SH3GL2: variants seen among roughly 807,000 people sequenced by gnomAD.
The protein encoded by SH3GL2 is SH3 domain containing GRB2 like 2, endophilin A1, also known as endophilin-A1.
A neutral mutation model predicts 46.0 loss-of-function variants in SH3GL2; 24 were observed. The observed-to-expected ratio is 0.52, with a 90% CI of 0.38 to 0.73. The LOEUF is 0.73. Among genes scored for constraint, SH3GL2 ranks in the 30% least tolerant of loss-of-function variants. SH3GL2 has a pLI of 0.00. For missense variants in SH3GL2, 413 were observed against 424.2 expected, an observed-to-expected ratio of 0.97 and a Z score of 0.23; for synonymous variants, 196 against 147.1, an observed-to-expected ratio of 1.33 and a Z score of -2.40.
chr9:17,616,760 TGTTG>T (rs1236421363), intron 1 of SH3GL2, among the ~76,000 whole-genome samples: 1 of 152,302 alleles, frequency 6.6e-6, no homozygotes, highest in East Asian at 1.9e-4. Flanking sequence ...TAATATAGCC[TGTTG>T]GTTTAGTAGA....
chr9:17,616,127 T>C (rs1818989885), intron 1 of SH3GL2, among the ~76,000 whole-genome samples: 1 of 152,194 alleles, frequency 6.6e-6, no homozygotes, highest in Non-Finnish European at 1.5e-5. Context: ...CTTAATGTTT[T>C]AGGGAAAATA....
intron 1 of SH3GL2, among the ~76,000 whole-genome samples, chr9:17,689,959 C>G (rs1195126098): frequency 6.6e-6 from 1 of 152,114 alleles, no homozygotes; most frequent in Non-Finnish European, 1.5e-5. Context: ...CAACTCCAGG[C>G]AAGTGGTAGG....
At chr9:17,608,361 T>A (rs1818799625) in intron 1 of SH3GL2, among the ~76,000 whole-genome samples, 1 of 152,136 alleles carries the variant, frequency 6.6e-6, no homozygotes, top group Admixed American at 6.5e-5. Flanking sequence ...TTAGCCGGGA[T>A]GGTCTCGATC....
intron 1 of SH3GL2, among the ~76,000 whole-genome samples, chr9:17,580,785 C>T (rs1398450981): frequency 1.3e-5 from 2 of 152,202 alleles, no homozygotes; most frequent in Non-Finnish European, 2.9e-5. Flanking sequence ...TATTACTAAC[C>T]TTTTTGATTG....
intron 1 of SH3GL2, among the ~76,000 whole-genome samples, chr9:17,707,477 T>C (rs1821500292): frequency 6.6e-6 from 1 of 152,032 alleles, no homozygotes; most frequent in African/African-American, 2.4e-5. Flanking sequence ...TAAGCCAATG[T>C]CACCTTCTAG....
chr9:17,719,373 A>T (rs1252831536), intron 1 of SH3GL2, among the ~76,000 whole-genome samples: 3 of 152,178 alleles, frequency 2.0e-5, no homozygotes, highest in Non-Finnish European at 4.4e-5. Context: ...ATTCCAGTCA[A>T]TGTTTTCATG....
At chr9:17,612,919 C>A (rs941085083) in intron 1 of SH3GL2, among the ~76,000 whole-genome samples, 1 of 152,156 alleles carries the variant, frequency 6.6e-6, no homozygotes, top group African/African-American at 2.4e-5. Flanking sequence ...CTATTCTGGT[C>A]ATTTCTTGTA....
intron 1 of SH3GL2, among the ~76,000 whole-genome samples, chr9:17,635,730 A>G (rs1350899691): frequency 6.6e-6 from 1 of 152,168 alleles, no homozygotes; most frequent in Non-Finnish European, 1.5e-5. Context: ...TTTCCTTGGA[A>G]TGTCTCTTGG....
chr9:17,604,970 A>G (rs921167177), intron 1 of SH3GL2, among the ~76,000 whole-genome samples: 6 of 125,174 alleles, frequency 4.8e-5, no homozygotes, highest in African/African-American at 1.5e-4. Context: ...GTGTTCTTTC[A>G]CAAGTCATTT....
intron 1 of SH3GL2, among the ~76,000 whole-genome samples, chr9:17,673,920 C>G (rs1362366776): frequency 2.6e-5 from 4 of 152,156 alleles, no homozygotes; most frequent in African/African-American, 9.6e-5. Flanking sequence ...CATAGGGCAT[C>G]CTGTGTCTAT....
At chr9:17,662,728 A>G (rs1023436126) in intron 1 of SH3GL2, among the ~76,000 whole-genome samples, 1 of 65,030 alleles carries the variant, frequency 1.5e-5, no homozygotes, top group African/African-American at 6.5e-5. Flanking sequence ...TTTTTTTTTG[A>G]GACAGAGTCT....
At chr9:17,664,102 C>G (rs190173742) in intron 1 of SH3GL2, among the ~76,000 whole-genome samples, 1 of 152,222 alleles carries the variant, frequency 6.6e-6, no homozygotes, top group African/African-American at 2.4e-5. Flanking sequence ...ACTGTATCCA[C>G]CCTCCTAGCA....
chr9:17,633,176 G>A (rs537374371), intron 1 of SH3GL2, among the ~76,000 whole-genome samples: 3 of 152,274 alleles, frequency 2.0e-5, no homozygotes, highest in Non-Finnish European at 4.4e-5. Flanking sequence ...GGGGAACTGG[G>A]CAATCTGGGA....
At chr9:17,745,001 C>CT (rs978699606) in intron 1 of SH3GL2, among the ~76,000 whole-genome samples, 6 of 152,180 alleles carry the variant, frequency 3.9e-5, no homozygotes, top group African/African-American at 1.4e-4. Context: ...CTCTTCAGAG[C>CT]TGTTGGGTGG....
At chr9:17,579,581 G>A (rs1018288233) in intron 1 of SH3GL2, among the ~76,000 whole-genome samples, 3 of 152,162 alleles carry the variant, frequency 2.0e-5, no homozygotes, top group Non-Finnish European at 2.9e-5. Context: ...CTGCAGGAAG[G>A]GGACCGCGGC....
chr9:17,743,124 C>T (rs1010586441), intron 1 of SH3GL2, among the ~76,000 whole-genome samples: 13 of 152,148 alleles, frequency 8.5e-5, no homozygotes, highest in African/African-American at 2.9e-4. Flanking sequence ...CTGTGTTCCT[C>T]ACCTTGATCC....
intron 5 of SH3GL2, among the ~76,000 whole-genome samples, chr9:17,787,845 G>C (rs774038856): frequency 6.6e-6 from 1 of 152,148 alleles, no homozygotes; most frequent in Non-Finnish European, 1.5e-5. Flanking sequence ...TTGCTGGGCT[G>C]ATTTCACCCA....
At chr9:17,633,294 G>T (rs574216212) in intron 1 of SH3GL2, among the ~76,000 whole-genome samples, 3 of 152,242 alleles carry the variant, frequency 2.0e-5, no homozygotes, top group Admixed American at 2.0e-4. Flanking sequence ...ATCAGTTGGT[G>T]TTACTGCAAG....
rs143630019 is a variant in SH3GL2, at chr9:17,706,503, G to A, written c.46-40563G>A. Among the ~76,000 whole-genome samples, 14 of 151,998 alleles carry A rather than the reference G, an allele frequency of 9.2e-5. 1 individual carries two copies. In the East Asian group the frequency reaches 2.3e-3, roughly 25 times the overall value. On this transcript the variant is annotated intron_variant, in intron 1 of 8. Coordinates refer to ENST00000380607, the MANE Select transcript of SH3GL2 (RefSeq NM_003026.5). Reference sequence around the variant, plus strand: ...GCTCTTCCTAAAGAAATCCATAGCTGGCTTTATTTTCCTCTTATCTTTTCT... The same window carrying A: ...GCTCTTCCTAAAGAAATCCATAGCTAGCTTTATTTTCCTCTTATCTTTTCT...
Sources: allele counts gnomAD v4.1 joint callset (sites outside exome capture counted in the v4.1 genomes callset), GRCh38; gene constraint gnomAD v4.1.1; transcripts MANE v1.5; gene names NCBI Gene and HGNC (gene_info 2026-07-23, HGNC 2026-07-21).